The following BOP1 variants were observed in gnomAD, a reference collection of about 807,000 sequenced individuals.
BOP1 encodes the protein ribosome biogenesis protein BOP1.
In BOP1, 54 loss-of-function variants were observed where a neutral mutation model predicts 82.9. The ratio of observed to expected loss-of-function variants is 0.65; its 90% CI spans 0.52 to 0.82. The LOEUF (loss-of-function observed/expected upper bound fraction) is 0.82. BOP1 is among the 40% of genes least tolerant of loss of function. The pLI is 0.00. For missense variants in BOP1, 1,170 were observed against 1,072.0 expected (o/e 1.09, Z -1.28); for synonymous variants, 566 against 451.1 (o/e 1.25, Z -3.23).
chr8:144,275,962 A>G (rs1226043435), intron 3 of BOP1, among the ~76,000 whole-genome samples: 4 of 151,768 alleles, frequency 2.6e-5, no homozygotes, highest in Non-Finnish European at 4.4e-5. Context: ...GGCCAGACAC[A>G]GGGGCATGGA....
intron 3 of BOP1, among the ~76,000 whole-genome samples, chr8:144,272,556 G>A (rs1845507845): frequency 6.6e-6 from 1 of 152,026 alleles, no homozygotes; most frequent in Non-Finnish European, 1.5e-5. Flanking sequence ...CTCCGCTCAA[G>A]AGCCCTGTAG....
At chr8:144,266,029 A>T (rs1845354217) in intron 3 of BOP1, 1 of 152,062 alleles carries the variant, frequency 6.6e-6, no homozygotes, top group Non-Finnish European at 1.5e-5. Context: ...GCCCCTAAAT[A>T]CTCGCCTGTG....
At chr8:144,270,690 G>T (rs963337559) in intron 3 of BOP1, among the ~76,000 whole-genome samples, 1 of 152,084 alleles carries the variant, frequency 6.6e-6, no homozygotes, top group Non-Finnish European at 1.5e-5. Flanking sequence ...CAGCCCACCC[G>T]AATCCACTCG....
At chr8:144,287,041 A>G (rs1554839551) in intron 2 of BOP1, among the ~76,000 whole-genome samples, 1 of 152,190 alleles carries the variant, frequency 6.6e-6, no homozygotes, top group African/African-American at 2.4e-5. Flanking sequence ...GCAGAGCCTC[A>G]CTCTGTCACC....
Position 144,286,149 on chromosome 8 carries a change from C to G in BOP1, c.309+2946G>C, listed in dbSNP as rs869273057. ...AGGTGCCTGGGTGGCTTCTGATGAA[C>G]AGGGGGGAAAAGGGAGGGGTTCCCA... On this transcript the variant is annotated intron_variant, in intron 2 of 15. Transcript: ENST00000569669. Among the ~76,000 whole-genome samples the G allele has an allele frequency of 2.6e-5, 4 of 152,300 alleles. No individual in the cohort carries two copies. The East Asian group carries it at 7.7e-4, about 29-fold the overall frequency.
At chr8:144,262,713 C>T (rs1323504807) in intron 13 of BOP1, 41 bp from the exon 14 acceptor site, 2 of 1,606,632 alleles carry the variant, frequency 1.2e-6, no homozygotes, top group African/African-American at 1.3e-5. Flanking sequence ...CCGCTCTCAC[C>T]TGCAGGGTGC....
chr8:144,263,392 C>T lies in BOP1; in HGVS notation c.1434G>A (p.Ser478=), dbSNP rs947222754. The part of the protein sequence containing the change: ...VCLVAAAVED[S]VLLLNPALGD... ...CCAGAGCTGGGTTCAGCAGCAGCAC[C>T]GAGTCCTCCCTGTGAGCCAGGCCCA... Residue 478 remains serine (S), a synonymous_variant, in exon 12 of 16, where the codon TCG becomes TCA. Transcript: ENST00000569669. 277 of 1,597,624 alleles carry T rather than the reference C, an allele frequency of 1.7e-4. 3 individuals carry two copies. The East Asian group carries it at 4.3e-3, about 25-fold the overall frequency.
rs1429776558 is a variant in BOP1, at chr8:144,291,359, C to T, written c.12G>A (p.Ser4=). 3.0e-6 allele frequency: 4 copies of T among 1,349,348 alleles called. No individual in the cohort carries two copies. The African/African-American group carries it at 6.2e-5, about 21-fold the overall frequency. 83.6% of individuals were successfully genotyped at this position (1,349,348 alleles called of 1,614,324 possible). A position where few individuals can be genotyped will look rare whatever the true frequency, so the allele number is the denominator to read the frequency against. Residue 4 remains serine (S), a synonymous_variant, in exon 1 of 16, where the codon TCG becomes TCA. Coordinates refer to ENST00000569669, the MANE Select transcript of BOP1 (RefSeq NM_015201.5). The surrounding 1 kb of genome is among the most constrained non-coding windows in gnomAD (Gnocchi z 4.1). The part of the protein sequence containing the change: MAG[S]RGAGRTAAPS... ...GCGCCGCCGTGCGCCCCGCACCCCG[C>T]GAACCCGCCATGCCCCACCGCGCGC...
In BOP1 at chr8:144,262,190, C is replaced by T; in HGVS notation, c.2215G>A (p.Asp739Asn). ...TAGGTGAAGAGGCGGACAGTCCCGT[C>T]TGCCCCCGAGGAGAAGACCCACGGC... Reference protein sequence around the residue: ...TQPWVFSSGADGTVRLFT With the variant: ...TQPWVFSSGANGTVRLFT Residue 739 changes from aspartate (D) to asparagine (N), a missense_variant, in exon 16 of 16, where the codon GAC (aspartate) becomes AAC (asparagine). Physicochemically the swap from Asp to Asn is conservative, Grantham distance 23. Transcript: ENST00000569669. 6.2e-7 allele frequency: 1 copy of T among 1,612,704 alleles called. No homozygotes were observed. The highest frequency in any genetic ancestry group is 8.5e-7 in the Non-Finnish European group (1 of 1,179,834).
At chr8:144,277,137 C>T (rs1235645156) in intron 2 of BOP1, among the ~76,000 whole-genome samples, 2 of 152,232 alleles carry the variant, frequency 1.3e-5, no homozygotes, top group Non-Finnish European at 2.9e-5. Context: ...GCGCAGGAAC[C>T]CCAGAGCGAA....
chr8:144,291,191 G>T lies in BOP1; in HGVS notation c.99+81C>A. 1 of 1,244,062 alleles carries T rather than the reference G, an allele frequency of 8.0e-7. No homozygotes were observed. Among genetic ancestry groups the T allele is most frequent in the Non-Finnish European group, 1.0e-6 (1 of 976,390 alleles). 77.1% of individuals were successfully genotyped at this position (1,244,062 alleles called of 1,614,324 possible). A position where few individuals can be genotyped will look rare whatever the true frequency, so the allele number is the denominator to read the frequency against. On this transcript the variant is annotated intron_variant, in intron 1 of 15. Transcript: ENST00000569669. This position sits in a 1 kb window ranked among gnomAD's most constrained non-coding sequence, Gnocchi z 4.1. ...CGCGGGCGCCCAGGTGACAGAAGCC[G>T]GGCCCACCCGCCCCAGCGCGGCCAC...
intron 3 of BOP1, chr8:144,268,226 C>A: frequency 6.5e-7 from 1 of 1,538,712 alleles, no homozygotes. Flanking sequence ...CCACCTTGGA[C>A]CTGAGCTGGG....
chr8:144,262,179 G>A lies in BOP1; in HGVS notation c.2226C>T (p.Val742=), dbSNP rs1845201258. ...WVFSSGADGT[V]RLFT ...GGCAGAACAGCTAGGTGAAGAGGCG[G>A]ACAGTCCCGTCTGCCCCCGAGGAGA... The change falls in exon 16 of 16, where the codon GTC becomes GTT. Residue 742 remains valine, a synonymous_variant. Coordinates refer to ENST00000569669, the MANE Select transcript of BOP1 (RefSeq NM_015201.5). 1 of 1,612,454 alleles carries A rather than the reference G, an allele frequency of 6.2e-7. No homozygotes were observed. The highest frequency in any genetic ancestry group is 8.5e-7 in the Non-Finnish European group (1 of 1,179,850).
At chr8:144,271,133 GC>G (rs1354730014) in intron 3 of BOP1, among the ~76,000 whole-genome samples, 2 of 152,116 alleles carry the variant, frequency 1.3e-5, no homozygotes, top group African/African-American at 4.8e-5. Context: ...TCTCCTGGGG[GC>G]CGCCCAGCCC....
intron 3 of BOP1, chr8:144,268,585 A>G: frequency 4.8e-6 from 1 of 207,078 alleles, no homozygotes; most frequent in Non-Finnish European, 9.8e-6. Context: ...TGGGCCAAGT[A>G]CCCCGGCTCC....
intron 3 of BOP1, 91 bp from the exon 4 acceptor site, chr8:144,265,162 G>C: frequency 6.9e-7 from 1 of 1,447,028 alleles, no homozygotes; most frequent in Non-Finnish European, 9.4e-7. Flanking sequence ...GGGGTTGCAG[G>C]GGGAGTGCAG....
In BOP1 at chr8:144,262,686, C is replaced by T; in HGVS notation, c.1895-14G>A. ...TGACGTTGTCACCTAGGGCCAAAGG[C>T]TGTGATGCAGGTGTTCCCGCTCTCA... On this transcript the variant is annotated splice_polypyrimidine_tract_variant and intron_variant, in intron 13 of 15. Transcript: ENST00000569669. The T allele has an allele frequency of 6.2e-7, 1 of 1,612,872 alleles. No individual in the cohort carries two copies. Among genetic ancestry groups the T allele is most frequent in the Non-Finnish European group, 8.5e-7 (1 of 1,179,722 alleles).
intron 4 of BOP1, 30 bp downstream of exon 4, chr8:144,264,887 G>GCT (rs1845320135): frequency 1.2e-6 from 1 of 833,950 alleles, no homozygotes; most frequent in East Asian, 4.6e-5. Flanking sequence ...GGCCCACCCC[G>GCT]GCTGCTGGCC....
intron 3 of BOP1, among the ~76,000 whole-genome samples, chr8:144,272,294 C>T (rs1387961306): frequency 7.2e-5 from 11 of 152,282 alleles, no homozygotes; most frequent in African/African-American, 2.2e-4. Flanking sequence ...CCCCCAACTC[C>T]GGACACCTCC....
Sources: gnomAD v4.1 joint callset for allele counts (sites outside exome capture counted in the v4.1 genomes callset) on GRCh38, gnomAD v4.1.1 for gene constraint, Gnocchi (gnomAD v3.1) non-coding constraint, MANE v1.5 for transcripts, NCBI Gene and HGNC (gene_info 2026-07-23, HGNC 2026-07-21) for gene names.